Variants in DIDO1 observed in about 807,000 individuals in gnomAD.
DIDO1 encodes the protein death-inducer obliterator 1.
In DIDO1, 16 loss-of-function variants were observed where a neutral mutation model predicts 99.4. The observed-to-expected ratio is 0.16, with a 90% CI of 0.11 to 0.24. The LOEUF (loss-of-function observed/expected upper bound fraction) is 0.24. DIDO1 is among the 10% of genes least tolerant of loss of function. The pLI, the probability that DIDO1 is intolerant of heterozygous loss-of-function variation, is 1.00. For synonymous variants in DIDO1, 1,366 were observed against 1,239.1 expected, an observed-to-expected ratio of 1.10 and a Z score of -2.15; for missense variants, 2,996 against 3,014.0, an observed-to-expected ratio of 0.99 and a Z score of 0.14.
chr20:62,925,998 C>A (rs2065245230), intron 1 of DIDO1, among the ~76,000 whole-genome samples: 1 of 152,170 alleles, frequency 6.6e-6, no homozygotes, highest in Non-Finnish European at 1.5e-5. Flanking sequence ...CGGGAGGAAG[C>A]GCCGAGGTCC....
At position 62,894,093 on chromosome 20, in the gene DIDO1, G is replaced by T; in HGVS notation, c.2674C>A (p.Pro892Thr). 1 of 1,614,212 alleles carries T rather than the reference G, an allele frequency of 6.2e-7. No individual in the cohort carries two copies. The highest frequency in any genetic ancestry group is 1.3e-5 in the African/African-American group (1 of 75,046). ...TCAGCTGAATCCGGAGCTGGGTCAG[G>T]TGCAGAGCTGTCATGCTTTGATTTT... ...DLKSKHDSSAPDPAPDSADEV... is the reference protein window; with the variant it reads ...DLKSKHDSSATDPAPDSADEV... The change falls in exon 12 of 16, where the codon CCT (proline) becomes ACT (threonine). Residue 892 changes from proline (P) to threonine (T), a missense_variant. Around this residue, in one of 5 missense-constraint regions of DIDO1, gnomAD observed 898 missense variants for 972.7 expected, o/e 0.92. Coordinates refer to ENST00000395343, the MANE Select transcript of DIDO1 (RefSeq NM_001193369.2). The surrounding 1 kb of genome is among the most constrained non-coding windows in gnomAD (Gnocchi z 4.4).
At position 62,912,429 on chromosome 20, in the gene DIDO1, C is replaced by CTT. The variant is rs200953791; in HGVS notation, c.-2-817_-2-816dup. ...AAGGCGATCACTTTAAGGTATATTT[C>CTT]TTTTTTTTTTTTTTTGAGACGGAGT... On this transcript the variant is annotated intron_variant, in intron 2 of 15. Coordinates refer to ENST00000395343, the MANE Select transcript of DIDO1 (RefSeq NM_001193369.2). Among the ~76,000 whole-genome samples, 322 of 143,476 alleles carry CTT rather than the reference C, an allele frequency of 2.2e-3. 1 individual carries two copies. The highest frequency in any genetic ancestry group is 7.8e-3 in the African/African-American group (304 of 39,144). The allele number at this position is 143,476 out of a possible 152,430, so 94.1% of individuals were successfully genotyped here.
intron 15 of DIDO1, among the ~76,000 whole-genome samples, chr20:62,884,136 C>T (rs2064258585): frequency 1.3e-5 from 2 of 152,198 alleles, no homozygotes; most frequent in South Asian, 4.1e-4. Context: ...AGGTGCTCAG[C>T]AAACAGGTGG....
chr20:62,886,265 T>C (rs749843843), intron 15 of DIDO1, among the ~76,000 whole-genome samples: 2 of 152,178 alleles, frequency 1.3e-5, no homozygotes, highest in African/African-American at 2.4e-5. Flanking sequence ...TGATCAGGCC[T>C]GGAACAAGGG....
At chr20:62,914,627 G>A (rs2065006832) in intron 1 of DIDO1, among the ~76,000 whole-genome samples, 2 of 152,148 alleles carry the variant, frequency 1.3e-5, no homozygotes, top group Non-Finnish European at 2.9e-5. Context: ...AGGGGCCGGG[G>A]CAGCGCAGGA....
chr20:62,894,268 A>G lies in DIDO1; in HGVS notation c.2573-74T>C. On this transcript the variant is annotated intron_variant, in intron 11 of 15. Transcript: ENST00000395343. The surrounding 1 kb of genome is among the most constrained non-coding windows in gnomAD (Gnocchi z 4.4). ...GTGTTTCTCACACAAAGCCGAAAGC[A>G]ATACTCTAAAGGCAGGGCAGGAAAT... is the stretch of plus-strand genomic sequence containing the variant. The G allele has an allele frequency of 6.3e-7, 1 of 1,580,220 alleles. No homozygotes were observed. Among genetic ancestry groups the G allele is most frequent in the East Asian group, 2.2e-5 (1 of 44,450 alleles).
At chr20:62,886,654 C>T (rs1431676552) in intron 15 of DIDO1, among the ~76,000 whole-genome samples, 4 of 152,078 alleles carry the variant, frequency 2.6e-5, no homozygotes, top group Admixed American at 1.3e-4. Flanking sequence ...ATGAACCACC[C>T]GAAACCTGAC....
intron 15 of DIDO1, among the ~76,000 whole-genome samples, chr20:62,885,689 G>A (rs1441394469): frequency 6.6e-6 from 1 of 152,214 alleles, no homozygotes; most frequent in Non-Finnish European, 1.5e-5. Flanking sequence ...AAATTGGGCT[G>A]TCCAAAAAGG....
chr20:62,903,802 C>T (rs2064739026), intron 6 of DIDO1, among the ~76,000 whole-genome samples: 1 of 152,146 alleles, frequency 6.6e-6, no homozygotes, highest in African/African-American at 2.4e-5. Context: ...CAATTTCCCC[C>T]ACCTCCTGTC....
Position 62,879,647 on chromosome 20 carries a change from G to C in DIDO1, c.6309C>G (p.Pro2103=). 6.2e-7 allele frequency: 1 copy of C among 1,607,266 alleles called. No individual in the cohort carries two copies. ...VGPKEKPLEE[P]DAQGRASEDR... is the part of the protein sequence containing the mutation. ...CCTCGGACGCCCGGCCCTGGGCGTC[G>C]GGCTCCTCCAGCGGCTTCTCTTTGG... The change falls in exon 16 of 16, where the codon CCC becomes CCG. Residue 2103 remains proline (P), a synonymous_variant. Transcript: ENST00000395343. The surrounding 1 kb of genome is among the most constrained non-coding windows in gnomAD (Gnocchi z 6.3).
Position 62,894,278 on chromosome 20 carries a change from A to C in DIDO1, c.2573-84T>G. On this transcript the variant is annotated intron_variant, in intron 11 of 15. Transcript: ENST00000395343. This position sits in a 1 kb window ranked among gnomAD's most constrained non-coding sequence, Gnocchi z 4.4. Reference sequence around the variant, plus strand: ...CACAAAGCCGAAAGCAATACTCTAAAGGCAGGGCAGGAAATCATTCTGGCC... The same window carrying C: ...CACAAAGCCGAAAGCAATACTCTAACGGCAGGGCAGGAAATCATTCTGGCC... The C allele has an allele frequency of 3.8e-6, 6 of 1,574,572 alleles. No individual in the cohort carries two copies. Among genetic ancestry groups the C allele is most frequent in the Non-Finnish European group, 5.2e-6 (6 of 1,159,328 alleles).
intron 1 of DIDO1, among the ~76,000 whole-genome samples, chr20:62,921,959 A>G (rs1212442068): frequency 6.7e-6 from 1 of 150,306 alleles, no homozygotes; most frequent in Non-Finnish European, 1.5e-5. Context: ...ATATGTCCAC[A>G]ATATATATAC....
chr20:62,905,653 C>G, intron 6 of DIDO1: 1 of 1,578,238 alleles, frequency 6.3e-7, no homozygotes, highest in Non-Finnish European at 8.6e-7. Context: ...GAACGTTCAC[C>G]AGTGAGGTTT....
chr20:62,884,157 A>G (rs566236874), intron 15 of DIDO1, among the ~76,000 whole-genome samples: 2 of 152,334 alleles, frequency 1.3e-5, no homozygotes, highest in East Asian at 3.9e-4. Context: ...CAAAGAGCAG[A>G]GCAGGTGGAC....
intron 14 of DIDO1, among the ~76,000 whole-genome samples, chr20:62,891,430 G>A (rs947475111): frequency 8.5e-5 from 13 of 152,142 alleles, no homozygotes; most frequent in Non-Finnish European, 1.9e-4. Context: ...CCCTAGAGGG[G>A]GTTAAACTAG....
At chr20:62,932,862 C>A (rs1417455328) in intron 1 of DIDO1, among the ~76,000 whole-genome samples, 1 of 152,196 alleles carries the variant, frequency 6.6e-6, no homozygotes, top group Non-Finnish European at 1.5e-5. Flanking sequence ...CTATATCAAA[C>A]AATCACCAGT....
At chr20:62,931,648 G>A (rs1238761278) in intron 1 of DIDO1, among the ~76,000 whole-genome samples, 7 of 152,190 alleles carry the variant, frequency 4.6e-5, no homozygotes, top group Non-Finnish European at 4.4e-5. Context: ...GCGAGCACCA[G>A]GAGGAAGGTG....
In DIDO1 at chr20:62,911,713, A is replaced by G. The variant is rs1266515634; in HGVS notation, c.-2-99T>C. The G allele has an allele frequency of 9.4e-7, 1 of 1,064,244 alleles. No individual in the cohort carries two copies. Among genetic ancestry groups the G allele is most frequent in the African/African-American group, 1.6e-5 (1 of 62,348 alleles). 65.9% of individuals were successfully genotyped at this position (1,064,244 alleles called of 1,614,324 possible). A position where few individuals can be genotyped will look rare whatever the true frequency, so the allele number is the denominator to read the frequency against. On this transcript the variant is annotated intron_variant, in intron 2 of 15. Transcript: ENST00000395343. The surrounding 1 kb of genome is among the most constrained non-coding windows in gnomAD (Gnocchi z 7.0). Reference sequence around the variant, plus strand: ...CAGCAGGGGCCACCTCCCTACAAACAGTGGAGCTCTACATAAAGCAAGTCC... The same window carrying G: ...CAGCAGGGGCCACCTCCCTACAAACGGTGGAGCTCTACATAAAGCAAGTCC...
chr20:62,905,564 C>G (rs1182164946), intron 6 of DIDO1: 1 of 1,551,024 alleles, frequency 6.4e-7, no homozygotes, highest in South Asian at 1.2e-5. Flanking sequence ...GCTATGCAAT[C>G]AGACTGGGAT....
Sources: allele counts gnomAD v4.1 joint callset (sites outside exome capture counted in the v4.1 genomes callset), GRCh38; gene constraint gnomAD v4.1.1; regional missense constraint gnomAD v4.1.1; non-coding constraint Gnocchi (gnomAD v3.1); transcripts MANE v1.5; gene names NCBI Gene and HGNC (gene_info 2026-07-23, HGNC 2026-07-21).